Variants in NLRP11 observed in about 807,000 individuals in gnomAD.
NLRP11 encodes the protein NLR family pyrin domain containing 11.
Under a neutral mutation model 79.3 loss-of-function variants are expected in NLRP11, and 53 were observed. That is an observed-to-expected ratio of 0.67 (90% CI 0.54 to 0.84). The LOEUF is 0.84. Among genes scored for constraint, NLRP11 ranks in the 40% least tolerant of loss-of-function variants. The pLI is 0.00. For synonymous variants in NLRP11, 518 were observed against 462.6 expected (o/e 1.12, Z -1.54); for missense variants, 1,264 against 1,255.0 (o/e 1.01, Z -0.11).
chr19:55,823,137 C>T (rs1981965278), intron 1 of NLRP11, among the ~76,000 whole-genome samples: 1 of 146,714 alleles, frequency 6.8e-6, no homozygotes, highest in African/African-American at 2.6e-5. Flanking sequence ...TGGGAGGCAC[C>T]CCCCAGCAGG....
chr19:55,811,425 C>A (rs1028773353), intron 2 of NLRP11, among the ~76,000 whole-genome samples: 3 of 152,148 alleles, frequency 2.0e-5, no homozygotes, highest in Non-Finnish European at 2.9e-5. Flanking sequence ...GGGAGCCTGG[C>A]AGCATGGAAG....
chr19:55,823,750 A>G (rs1600203831), intron 1 of NLRP11, among the ~76,000 whole-genome samples: 1 of 150,676 alleles, frequency 6.6e-6, no homozygotes, highest in Admixed American at 6.6e-5. Flanking sequence ...CCTCCAAGAA[A>G]TATGGGACTA....
intron 6 of NLRP11, among the ~76,000 whole-genome samples, chr19:55,795,484 C>A (rs1978743575): frequency 6.6e-6 from 1 of 151,626 alleles, no homozygotes. Context: ...TTGTGACCAC[C>A]ATTTTTTATT....
At chr19:55,797,427 T>C (rs1979032921) in intron 5 of NLRP11, among the ~76,000 whole-genome samples, 1 of 152,268 alleles carries the variant, frequency 6.6e-6, no homozygotes, top group Non-Finnish European at 1.5e-5. Context: ...TTTTGAATAA[T>C]AACCATCTTT....
chr19:55,817,058 C>CAGTATCTGA (rs1306726905), intron 2 of NLRP11, among the ~76,000 whole-genome samples: 1 of 151,974 alleles, frequency 6.6e-6, no homozygotes, highest in Non-Finnish European at 1.5e-5. Context: ...TCTGATAGTC[C>CAGTATCTGA]TTGAAAAAAT....
chr19:55,820,995 T>C (rs1000270263), intron 1 of NLRP11, among the ~76,000 whole-genome samples: 3 of 152,170 alleles, frequency 2.0e-5, no homozygotes, highest in African/African-American at 7.2e-5. Flanking sequence ...CCCACCCACA[T>C]TCCCAGAGCT....
intron 6 of NLRP11, among the ~76,000 whole-genome samples, chr19:55,794,327 A>T (rs951847333): frequency 1.3e-5 from 2 of 152,218 alleles, no homozygotes; most frequent in Non-Finnish European, 2.9e-5. Flanking sequence ...GATGAAAAAA[A>T]TATCTATTTG....
intron 1 of NLRP11, among the ~76,000 whole-genome samples, chr19:55,831,447 T>G (rs1982779274): frequency 6.6e-6 from 1 of 151,944 alleles, no homozygotes; most frequent in African/African-American, 2.4e-5. Flanking sequence ...CTGTCATTCC[T>G]GCTACTTGGG....
chr19:55,821,520 A>G (rs1981735616), intron 1 of NLRP11, among the ~76,000 whole-genome samples: 1 of 152,206 alleles, frequency 6.6e-6, no homozygotes, highest in Non-Finnish European at 1.5e-5. Context: ...GATGGCATTC[A>G]ACACCTGACA....
exon 3 of NLRP11, chr19:55,808,939 A>G: frequency 6.2e-7 from 1 of 1,614,166 alleles, no homozygotes; most frequent in Non-Finnish European, 8.5e-7. Flanking sequence ...TCGTCTTCAC[A>G]AATTCTTCTT....
intron 6 of NLRP11, among the ~76,000 whole-genome samples, chr19:55,794,462 T>G (rs2122733348): frequency 6.6e-6 from 1 of 152,272 alleles, no homozygotes; most frequent in East Asian, 1.9e-4. Context: ...TAGAACAATT[T>G]GAGATTTTAA....
intron 9 of NLRP11, among the ~76,000 whole-genome samples, 161 bp from the exon 10 acceptor site, chr19:55,786,032 A>G (rs530396765): frequency 6.6e-6 from 1 of 152,240 alleles, no homozygotes; most frequent in Non-Finnish European, 1.5e-5. Context: ...GAAAACCGTG[A>G]GATAGCGATT....
intron 2 of NLRP11, 141 bp from the exon 3 acceptor site, chr19:55,810,479 G>T: frequency 1.4e-6 from 1 of 710,088 alleles, no homozygotes; most frequent in Non-Finnish European, 2.3e-6. Flanking sequence ...AAAGATATAG[G>T]TACAAAGATA....
chr19:55,833,967 C>G (rs938083707), upstream of NLRP11, among the ~76,000 whole-genome samples: 1 of 151,552 alleles, frequency 6.6e-6, no homozygotes, highest in Non-Finnish European at 1.5e-5. Context: ...AAAAATGGAT[C>G]CCTTCTCCCT....
At chr19:55,835,908 G>C (rs1381234335), upstream of NLRP11, among the ~76,000 whole-genome samples, 1 of 152,230 alleles carries the variant, frequency 6.6e-6, no homozygotes, top group Non-Finnish European at 1.5e-5. Flanking sequence ...CAGATCACTT[G>C]AGGTCAAGGG....
intron 9 of NLRP11, among the ~76,000 whole-genome samples, chr19:55,788,007 A>C (rs754636955): frequency 1.3e-5 from 2 of 152,186 alleles, no homozygotes; most frequent in African/African-American, 4.8e-5. Context: ...AGGACGACCA[A>C]CTAAGCTGGG....
chr19:55,802,373 C>A (rs1260301911), intron 4 of NLRP11, among the ~76,000 whole-genome samples: 13 of 152,134 alleles, frequency 8.5e-5, no homozygotes, highest in Admixed American at 8.5e-4. Flanking sequence ...TTCCTATACA[C>A]CAACGACAGC....
At position 55,795,768 on chromosome 19, in the gene NLRP11, G is replaced by T. The variant is rs150192705; in HGVS notation, c.2342+312C>A. 1.4e-4 allele frequency among the ~76,000 whole-genome samples: 21 copies of T among 152,226 alleles called. No individual in the cohort carries two copies. In the East Asian group the frequency reaches 3.5e-3, roughly 25 times the overall value. ...CTCCCAAAGTACTGGAATTACAGGC[G>T]TGAGCCACCGCGTCCGGCCGTGACC... On this transcript the variant is annotated intron_variant, in intron 6 of 9. Transcript: ENST00000589093.
rs1035344224 is a variant in NLRP11, at chr19:55,823,598, G to C, written c.-62-5362C>G. Among the ~76,000 whole-genome samples, 56 of 145,162 alleles carry C rather than the reference G, an allele frequency of 3.9e-4. 4 individuals are homozygous for C. Among genetic ancestry groups the C allele is most frequent in the African/African-American group, 1.3e-3 (51 of 37,916 alleles). On this transcript the variant is annotated intron_variant, in intron 1 of 9. Transcript: ENST00000589093. Reference sequence around the variant, plus strand: ...CTGATGGAGCTGAAAACCAAGGCTCGAGAACTACGTGAAGAATGCAGAAGC... The same window carrying C: ...CTGATGGAGCTGAAAACCAAGGCTCCAGAACTACGTGAAGAATGCAGAAGC...
Sources: gnomAD v4.1 joint callset for allele counts (sites outside exome capture counted in the v4.1 genomes callset) on GRCh38, gnomAD v4.1.1 for gene constraint, MANE v1.5 for transcripts, NCBI Gene and HGNC (gene_info 2026-07-23, HGNC 2026-07-21) for gene names.